LUC7L: variants seen among roughly 807,000 people sequenced by gnomAD.
LUC7L encodes LUC7 like.
Under a neutral mutation model 51.1 loss-of-function variants are expected in LUC7L, and 29 were observed. That is an observed-to-expected ratio of 0.57 (90% CI 0.42 to 0.77). The LOEUF (loss-of-function observed/expected upper bound fraction) is 0.77, where lower values mean the gene tolerates loss of function less well. Among genes scored for constraint, LUC7L ranks in the 30% least tolerant of loss-of-function variants. LUC7L has a pLI of 0.00. For synonymous variants in LUC7L, 181 were observed against 180.7 expected (o/e 1.00, Z -0.01); for missense variants, 403 against 511.9 (o/e 0.79, Z 2.05).
At chr16:192,849 C>T in intron 7 of LUC7L, 78 bp downstream of exon 7, 4 of 1,301,914 alleles carry the variant, frequency 3.1e-6, no homozygotes, top group Non-Finnish European at 4.4e-6. Flanking sequence ...CCTGCCTATT[C>T]CAAGCAACAG....
At chr16:200,515 G>A (rs1252717053) in intron 5 of LUC7L, among the ~76,000 whole-genome samples, 1 of 151,968 alleles carries the variant, frequency 6.6e-6, no homozygotes, top group East Asian at 1.9e-4. Context: ...GGTGGAGGTT[G>A]CAGTGAGCTG....
At chr16:213,620 G>A (rs2049705591) in intron 3 of LUC7L, among the ~76,000 whole-genome samples, 1 of 152,026 alleles carries the variant, frequency 6.6e-6, no homozygotes, top group African/African-American at 2.4e-5. Flanking sequence ...GGTCAGACTG[G>A]TCTCGAACTC....
In LUC7L at chr16:202,120, T is replaced by A. The variant is rs554464225; in HGVS notation, c.511-2882A>T. Among the ~76,000 whole-genome samples, 6 of 152,096 alleles carry A rather than the reference T, an allele frequency of 3.9e-5. No homozygotes were observed. In the East Asian group the frequency reaches 1.2e-3, roughly 29 times the overall value. ...GTCTCAAACTCCTGGACTCAAGCAATCCTCCTGCCTCGACCTTCCAAAGTG... is the reference window on the plus strand; with the variant it reads ...GTCTCAAACTCCTGGACTCAAGCAAACCTCCTGCCTCGACCTTCCAAAGTG... On this transcript the variant is annotated intron_variant, in intron 5 of 9. Transcript: ENST00000293872.
chr16:199,340 T>C (rs1281307057), intron 5 of LUC7L, 102 bp from the exon 6 acceptor site: 1 of 714,668 alleles, frequency 1.4e-6, no homozygotes, highest in African/African-American at 1.8e-5. Context: ...AGAGGTGACT[T>C]TTAAACAAAT....
Position 190,484 on chromosome 16 carries a change from G to A in LUC7L, c.806+57C>T. ...TAAAGGCATAATCATTAAATATTAA[G>A]AAAAATGCTTATGGAAAAAAAAATT... On this transcript the variant is annotated intron_variant, in intron 8 of 9. Coordinates refer to ENST00000293872, the MANE Select transcript of LUC7L (RefSeq NM_201412.3). The A allele has an allele frequency of 6.4e-6, 10 of 1,555,542 alleles. No individual in the cohort carries two copies. The South Asian group carries it at 8.9e-5, about 14-fold the overall frequency.
intron 2 of LUC7L, among the ~76,000 whole-genome samples, chr16:226,210 C>T (rs138161243): frequency 2.8e-4 from 42 of 152,270 alleles, no homozygotes; most frequent in African/African-American, 8.4e-4. Context: ...TACATCTGAG[C>T]GGTTTTCCAG....
At chr16:229,005 CG>C (rs1462380088) in intron 1 of LUC7L, 4 of 1,444,692 alleles carry the variant, frequency 2.8e-6, no homozygotes, top group Non-Finnish European at 2.7e-6. Flanking sequence ...CGGCGCCCGC[CG>C]GGGAGGAAGT....
chr16:205,881 G>T, intron 5 of LUC7L, 123 bp downstream of exon 5: 1 of 1,179,698 alleles, frequency 8.5e-7, no homozygotes, highest in Non-Finnish European at 1.2e-6. Context: ...GAGCCACTGT[G>T]CTGGGCCCAA....
chr16:221,654 G>C (rs1393234610), intron 2 of LUC7L, among the ~76,000 whole-genome samples: 1 of 151,924 alleles, frequency 6.6e-6, no homozygotes, highest in Non-Finnish European at 1.5e-5. Context: ...AGTGAGCCAA[G>C]ACTGTGCCAC....
intron 2 of LUC7L, among the ~76,000 whole-genome samples, chr16:221,327 G>A (rs1474314682): frequency 6.6e-6 from 1 of 151,436 alleles, no homozygotes; most frequent in Non-Finnish European, 1.5e-5. Flanking sequence ...TTACAGGTGT[G>A]AGCCACGGTG....
intron 5 of LUC7L, 44 bp from the exon 6 acceptor site, chr16:199,282 T>G (rs763734415): frequency 8.0e-7 from 1 of 1,251,250 alleles, no homozygotes; most frequent in South Asian, 1.5e-5. Flanking sequence ...TATATAGAAC[T>G]GCCACCACAA....
chr16:200,258 TA>T (rs1000941320), intron 5 of LUC7L, among the ~76,000 whole-genome samples: 4 of 151,580 alleles, frequency 2.6e-5, no homozygotes, highest in African/African-American at 9.7e-5. Flanking sequence ...CCGTCTCTAC[TA>T]AAAAAACAGA....
chr16:207,220 C>T (rs2049508250), intron 4 of LUC7L, among the ~76,000 whole-genome samples: 1 of 151,094 alleles, frequency 6.6e-6, no homozygotes, highest in Admixed American at 6.6e-5. Flanking sequence ...AAAAAACCGA[C>T]AATAATTTTT....
chr16:197,900 C>T (rs2049200432), intron 6 of LUC7L, among the ~76,000 whole-genome samples: 1 of 152,134 alleles, frequency 6.6e-6, no homozygotes, highest in Admixed American at 6.6e-5. Flanking sequence ...AGGGGGGCTC[C>T]ATCAGTGTGA....
At chr16:204,227 T>C (rs928332605) in intron 5 of LUC7L, among the ~76,000 whole-genome samples, 1 of 150,678 alleles carries the variant, frequency 6.6e-6, no homozygotes, top group Non-Finnish European at 1.5e-5. Flanking sequence ...ACGGATCACC[T>C]GAGGTCAGAA....
At chr16:211,730 A>C (rs2049646233) in intron 3 of LUC7L, among the ~76,000 whole-genome samples, 1 of 152,200 alleles carries the variant, frequency 6.6e-6, no homozygotes, top group Non-Finnish European at 1.5e-5. Context: ...TAAACCCTAA[A>C]AGCCCCTGAG....
chr16:189,108 C>T lies in LUC7L; in HGVS notation c.*90G>A, dbSNP rs7189908. On this transcript the variant is annotated 3_prime_UTR_variant, in exon 10 of 10. Coordinates refer to ENST00000293872, the MANE Select transcript of LUC7L (RefSeq NM_201412.3). ...CCAAAACAATAGAAATTTTAAACTACAAAAGATGAGTTGTATTCAGCAAAT... is the reference window on the plus strand; with the variant it reads ...CCAAAACAATAGAAATTTTAAACTATAAAAGATGAGTTGTATTCAGCAAAT... The T allele has an allele frequency of 2.3e-4, 321 of 1,378,230 alleles. 1 individual carries two copies. The African/African-American group carries it at 3.9e-3, about 17-fold the overall frequency. 85.4% of individuals were successfully genotyped at this position (1,378,230 alleles called of 1,614,324 possible). A position where few individuals can be genotyped will look rare whatever the true frequency, so the allele number is the denominator to read the frequency against.
At chr16:189,865 G>A (rs1385335568) in intron 9 of LUC7L, 103 bp downstream of exon 9, 5 of 1,506,712 alleles carry the variant, frequency 3.3e-6, no homozygotes, top group Middle Eastern at 2.3e-4. Flanking sequence ...TCCTGAGGGT[G>A]AGCCCAGCCC....
chr16:224,684 T>C (rs1338864020), intron 2 of LUC7L, among the ~76,000 whole-genome samples: 1 of 150,980 alleles, frequency 6.6e-6, no homozygotes, highest in Non-Finnish European at 1.5e-5. Context: ...ACAAAAAAAA[T>C]TAGCCAGGTG....
Sources: allele counts gnomAD v4.1 joint callset (sites outside exome capture counted in the v4.1 genomes callset), GRCh38; gene constraint gnomAD v4.1.1; transcripts MANE v1.5; gene names NCBI Gene and HGNC (gene_info 2026-07-23, HGNC 2026-07-21).